ITFG1: variants seen among roughly 807,000 people sequenced by gnomAD.
The protein encoded by ITFG1 is integrin alpha FG-GAP repeat containing 1, also known as T-cell immunomodulatory protein.
Under a neutral mutation model 81.8 loss-of-function variants are expected in ITFG1, and 34 were observed. The observed-to-expected ratio is 0.42, with a 90% confidence interval of 0.32 to 0.55. ITFG1 has a LOEUF of 0.55. Among genes scored for constraint, ITFG1 ranks in the 20% least tolerant of loss-of-function variants. The pLI is 0.17. For synonymous variants in ITFG1, 285 were observed against 270.6 expected, an observed-to-expected ratio of 1.05 and a Z score of -0.52; for missense variants, 672 against 755.4, an observed-to-expected ratio of 0.89 and a Z score of 1.29.
intron 10 of ITFG1, among the ~76,000 whole-genome samples, chr16:47,304,727 C>G (rs533447847): frequency 1.3e-5 from 2 of 152,174 alleles, no homozygotes; most frequent in East Asian, 3.9e-4. Context: ...CTGGTGATTC[C>G]ACACACGATA....
At chr16:47,364,954 T>C (rs1429265209) in intron 8 of ITFG1, among the ~76,000 whole-genome samples, 1 of 152,246 alleles carries the variant, frequency 6.6e-6, no homozygotes, top group Non-Finnish European at 1.5e-5. Flanking sequence ...GCTCGGGCTA[T>C]AGGCGAGAGC....
intron 14 of ITFG1, among the ~76,000 whole-genome samples, chr16:47,183,940 A>T (rs1249987757): frequency 6.6e-6 from 1 of 152,224 alleles, no homozygotes; most frequent in Non-Finnish European, 1.5e-5. Flanking sequence ...AGAAGTGCTT[A>T]AAGGAGCTGA....
At chr16:47,172,853 C>T (rs192317942) in intron 14 of ITFG1, among the ~76,000 whole-genome samples, 142 of 152,196 alleles carry the variant, frequency 9.3e-4, no homozygotes, top group Non-Finnish European at 1.7e-3. Context: ...ACTGTTGTTC[C>T]TTCTAGTCTG....
intron 14 of ITFG1, among the ~76,000 whole-genome samples, chr16:47,216,446 C>A (rs1965625793): frequency 6.6e-6 from 1 of 152,112 alleles, no homozygotes; most frequent in South Asian, 2.1e-4. Flanking sequence ...GGTGATCCGC[C>A]CACCTTGGCC....
intron 6 of ITFG1, among the ~76,000 whole-genome samples, chr16:47,386,207 AT>A (rs1258470004): frequency 5.3e-5 from 8 of 152,328 alleles, no homozygotes; most frequent in South Asian, 4.1e-4. Context: ...GTCTCTGGAA[AT>A]TGTTCTGAGA....
At chr16:47,298,159 T>C (rs1967013140) in intron 10 of ITFG1, among the ~76,000 whole-genome samples, 1 of 152,178 alleles carries the variant, frequency 6.6e-6, no homozygotes, top group Non-Finnish European at 1.5e-5. Flanking sequence ...TTTCTAGCAG[T>C]TCTGGCTTTT....
At chr16:47,167,074 C>T (rs1374641524) in intron 14 of ITFG1, among the ~76,000 whole-genome samples, 1 of 152,166 alleles carries the variant, frequency 6.6e-6, no homozygotes, top group Non-Finnish European at 1.5e-5. Flanking sequence ...CAAACTTTTT[C>T]ATCACCCTAT....
intron 13 of ITFG1, among the ~76,000 whole-genome samples, chr16:47,223,916 G>A (rs1965726225): frequency 6.6e-6 from 1 of 151,974 alleles, no homozygotes; most frequent in African/African-American, 2.4e-5. Flanking sequence ...TCCTTTGTAG[G>A]GACATGGATG....
At chr16:47,324,839 C>T (rs1306183750) in intron 8 of ITFG1, among the ~76,000 whole-genome samples, 1 of 152,076 alleles carries the variant, frequency 6.6e-6, no homozygotes, top group Non-Finnish European at 1.5e-5. Flanking sequence ...TAAAACAAGT[C>T]CTTAGTGACC....
intron 6 of ITFG1, among the ~76,000 whole-genome samples, chr16:47,401,042 T>C (rs1198231929): frequency 6.6e-6 from 1 of 152,150 alleles, no homozygotes; most frequent in Non-Finnish European, 1.5e-5. Context: ...GTCTGGCAAC[T>C]GTCATGATAA....
Position 47,194,141 on chromosome 16 carries a change from T to C in ITFG1, c.1453+24727A>G, listed in dbSNP as rs367966843. Among the ~76,000 whole-genome samples, 5 of 152,366 alleles carry C rather than the reference T, an allele frequency of 3.3e-5. No homozygotes were observed. In the East Asian group the frequency reaches 7.7e-4, roughly 23 times the overall value. ...ACTTTGCTAATGCTACATCTGCATT[T>C]CTTCTTACTCACTTCTTCTGGTCCA... On this transcript the variant is annotated intron_variant, in intron 14 of 17. Coordinates refer to ENST00000320640, the MANE Select transcript of ITFG1 (RefSeq NM_030790.5).
chr16:47,288,567 A>G (rs1278076595), intron 10 of ITFG1, among the ~76,000 whole-genome samples: 1 of 152,118 alleles, frequency 6.6e-6, no homozygotes, highest in African/African-American at 2.4e-5. Flanking sequence ...CCATCAATGT[A>G]TAAGAGTTTC....
chr16:47,241,894 C>T, intron 12 of ITFG1, among the ~76,000 whole-genome samples: 1 of 150,248 alleles, frequency 6.7e-6, no homozygotes, highest in South Asian at 2.1e-4. Context: ...GCGGAGCTTG[C>T]AGTGAGCTGA....
chr16:47,443,328 A>G (rs1411366461), intron 5 of ITFG1, among the ~76,000 whole-genome samples: 1 of 152,182 alleles, frequency 6.6e-6, no homozygotes, highest in Non-Finnish European at 1.5e-5. Flanking sequence ...ACCATTGTGG[A>G]AGTCAGTGTG....
chr16:47,217,144 G>GGA (rs1555504552), intron 14 of ITFG1, among the ~76,000 whole-genome samples: 1 of 150,502 alleles, frequency 6.6e-6, no homozygotes, highest in Non-Finnish European at 1.5e-5. Context: ...ATCATTATAT[G>GGA]AAAAAAAAAG....
chr16:47,434,148 G>A (rs1052326600), intron 5 of ITFG1, among the ~76,000 whole-genome samples: 4 of 151,448 alleles, frequency 2.6e-5, no homozygotes, highest in Admixed American at 2.0e-4. Flanking sequence ...CACAGGCATA[G>A]GCAAATATTT....
intron 13 of ITFG1, among the ~76,000 whole-genome samples, chr16:47,229,619 C>A (rs1469605444): frequency 6.7e-6 from 1 of 149,616 alleles, no homozygotes; most frequent in East Asian, 2.0e-4. Context: ...AAAAAAAAGT[C>A]CTGAAATAAA....
chr16:47,444,342 TA>T (rs1440939190), intron 5 of ITFG1, among the ~76,000 whole-genome samples: 73 of 152,310 alleles, frequency 4.8e-4, no homozygotes, highest in African/African-American at 1.7e-3. Flanking sequence ...TTACAAGAAA[TA>T]TGATAAAAGA....
Position 47,284,159 on chromosome 16 carries a change from G to A in ITFG1, c.1071-23464C>T, listed in dbSNP as rs139103351. On this transcript the variant is annotated intron_variant, in intron 10 of 17. Coordinates refer to ENST00000320640, the MANE Select transcript of ITFG1 (RefSeq NM_030790.5). ...CAGAAATGTTTTAAAACTGACTGTG[G>A]CAATGGATGCACACCTCTGTGGATA... 5.3e-5 allele frequency among the ~76,000 whole-genome samples: 8 copies of A among 152,258 alleles called. No individual in the cohort carries two copies. The East Asian group carries it at 1.5e-3, about 29-fold the overall frequency.
Sources: allele counts gnomAD v4.1 joint callset (sites outside exome capture counted in the v4.1 genomes callset), GRCh38; gene constraint gnomAD v4.1.1; transcripts MANE v1.5; gene names NCBI Gene and HGNC (gene_info 2026-07-23, HGNC 2026-07-21).